The following PBX1 variants were observed in gnomAD, a reference collection of about 807,000 sequenced individuals.
PBX1 encodes the protein PBX homeobox 1.
In PBX1, 6 loss-of-function variants were observed where a neutral mutation model predicts 53.4. That is an observed-to-expected ratio of 0.11 (90% CI 0.06 to 0.22). The LOEUF is 0.22. PBX1 is among the 10% of genes least tolerant of loss of function. The pLI is 1.00. For synonymous variants in PBX1, 204 were observed against 212.3 expected (o/e 0.96, Z 0.34); for missense variants, 251 against 551.4 (o/e 0.46, Z 5.46).
chr1:164,883,306 C>T (rs1002471202), intron 2 of PBX1, among the ~76,000 whole-genome samples: 3 of 152,148 alleles, frequency 2.0e-5, no homozygotes, highest in African/African-American at 7.2e-5. Flanking sequence ...CAGCTATTGT[C>T]AACTCAATCA....
rs1426072676 is a variant in PBX1 at position 164,807,680 on chromosome 1, A to G, written c.837+3A>G. The G allele has an allele frequency of 6.2e-7, 1 of 1,613,884 alleles. No homozygotes were observed. Among genetic ancestry groups the G allele is most frequent in the Non-Finnish European group, 8.5e-7 (1 of 1,179,920 alleles). On this transcript the variant is annotated splice_donor_region_variant and intron_variant, in intron 5 of 8. Transcript: ENST00000420696. ...AGTGTGGCATCACAGTCTCCCAGGT[A>G]AGCAGCACCTCAAAAGCCTCAGCCT...
intron 2 of PBX1, among the ~76,000 whole-genome samples, chr1:164,698,984 A>G (rs756980642): frequency 6.6e-6 from 1 of 152,226 alleles, no homozygotes; most frequent in Non-Finnish European, 1.5e-5. Context: ...GCTATCAGCT[A>G]TAGCACTACA....
At position 164,851,294 on chromosome 1, in the gene PBX1, T is replaced by G. The variant is rs1258421433; in HGVS notation, c.*4618T>G. On this transcript the variant is annotated 3_prime_UTR_variant, in exon 9 of 9. Transcript: ENST00000420696. ...TTATGTTCAGAAAGTGGTCAGAACT[T>G]AAGCAAGAAAAGTAAAGAAAGAATG... 1 of 205,330 alleles carries G rather than the reference T, an allele frequency of 4.9e-6. No homozygotes were observed. The highest frequency in any genetic ancestry group is 1.0e-5 in the Non-Finnish European group (1 of 100,332). The allele number at this position is 205,330 out of a possible 1,614,324, so 12.7% of individuals were successfully genotyped here. A position where few individuals can be genotyped will look rare whatever the true frequency, so the allele number is the denominator to read the frequency against.
chr1:164,687,282 GC>G (rs1662163436), intron 2 of PBX1, among the ~76,000 whole-genome samples: 1 of 152,046 alleles, frequency 6.6e-6, no homozygotes, highest in African/African-American at 2.4e-5. Flanking sequence ...AGTATTTCAG[GC>G]CAGACACGTG....
chr1:164,805,273 C>A (rs1425454047), intron 4 of PBX1, among the ~76,000 whole-genome samples: 1 of 152,152 alleles, frequency 6.6e-6, no homozygotes, highest in Non-Finnish European at 1.5e-5. Context: ...AGCAAAGAAA[C>A]CAGGTGTCTC....
At chr1:164,857,790 T>G (rs1324938657) in intron 2 of PBX1, among the ~76,000 whole-genome samples, 2 of 152,186 alleles carry the variant, frequency 1.3e-5, no homozygotes, top group Non-Finnish European at 2.9e-5. Flanking sequence ...ATATGTTGCT[T>G]AATCTTTCTG....
chr1:164,743,029 A>G (rs146269619), intron 2 of PBX1, among the ~76,000 whole-genome samples: 1 of 152,368 alleles, frequency 6.6e-6, no homozygotes, highest in Non-Finnish European at 1.5e-5. Context: ...CCTGACAAAC[A>G]GCAATGTAAG....
intron 2 of PBX1, among the ~76,000 whole-genome samples, chr1:164,663,605 G>C (rs1234764566): frequency 6.6e-6 from 1 of 152,294 alleles, no homozygotes; most frequent in African/African-American, 2.4e-5. Context: ...TATATTTAAT[G>C]AGATGATTGC....
At chr1:164,806,493 T>G (rs997360296) in intron 4 of PBX1, among the ~76,000 whole-genome samples, 19 of 152,166 alleles carry the variant, frequency 1.2e-4, no homozygotes, top group African/African-American at 4.6e-4. Flanking sequence ...AAATGTTACA[T>G]GCATTTACAT....
At chr1:164,857,297 C>A (rs550398012) in intron 2 of PBX1, among the ~76,000 whole-genome samples, 54 of 152,174 alleles carry the variant, frequency 3.5e-4, no homozygotes, top group African/African-American at 1.3e-3. Context: ...ATAAAGGATA[C>A]AAATAAACAG....
chr1:164,804,905 G>A (rs1669269503), intron 4 of PBX1, among the ~76,000 whole-genome samples: 1 of 152,166 alleles, frequency 6.6e-6, no homozygotes, highest in Admixed American at 6.5e-5. Flanking sequence ...GCTGATTTGG[G>A]TAAAAGGTGA....
chr1:164,573,676 G>A (rs1654030129), intron 2 of PBX1, among the ~76,000 whole-genome samples: 1 of 151,836 alleles, frequency 6.6e-6, no homozygotes, highest in Non-Finnish European at 1.5e-5. Context: ...AGTAGAGATG[G>A]GGTTTCACCA....
At chr1:164,831,708 C>T (rs546578157) in intron 8 of PBX1, among the ~76,000 whole-genome samples, 3 of 152,218 alleles carry the variant, frequency 2.0e-5, no homozygotes, top group South Asian at 2.1e-4. Flanking sequence ...AATTTCCTAC[C>T]CTTTGTTTTC....
chr1:164,720,011 C>T (rs1053126228), intron 2 of PBX1, among the ~76,000 whole-genome samples: 1 of 152,224 alleles, frequency 6.6e-6, no homozygotes, highest in South Asian at 2.1e-4. Context: ...TCCAGTTTTA[C>T]CACAAATGCT....
intron 2 of PBX1, among the ~76,000 whole-genome samples, chr1:164,761,019 G>T (rs145574445): frequency 3.8e-4 from 58 of 152,220 alleles, no homozygotes; most frequent in African/African-American, 1.3e-3. Context: ...ACCTCTGTCT[G>T]CCTGCCCCCA....
At chr1:164,703,557 G>A (rs1663255499) in intron 2 of PBX1, among the ~76,000 whole-genome samples, 2 of 152,158 alleles carry the variant, frequency 1.3e-5, no homozygotes, top group Admixed American at 6.5e-5. Context: ...TCATTACCAC[G>A]AGCCTGAACT....
chr1:164,750,331 A>G (rs1025473378), intron 2 of PBX1, among the ~76,000 whole-genome samples: 2 of 152,180 alleles, frequency 1.3e-5, no homozygotes, highest in African/African-American at 4.8e-5. Flanking sequence ...AAATATACAG[A>G]TAAACTATAT....
At chr1:164,701,385 G>T (rs1026995654) in intron 2 of PBX1, among the ~76,000 whole-genome samples, 3 of 152,220 alleles carry the variant, frequency 2.0e-5, no homozygotes, top group African/African-American at 7.2e-5. Flanking sequence ...TTTCAGAAAA[G>T]AAAGTGTGAT....
At chr1:164,714,348 C>T (rs1178380979) in intron 2 of PBX1, among the ~76,000 whole-genome samples, 3 of 152,186 alleles carry the variant, frequency 2.0e-5, no homozygotes, top group African/African-American at 4.8e-5. Context: ...GCTAAGCCCC[C>T]GTTTGTCACA....
Sources: gnomAD v4.1 joint callset for allele counts (sites outside exome capture counted in the v4.1 genomes callset) on GRCh38, gnomAD v4.1.1 for gene constraint, MANE v1.5 for transcripts, NCBI Gene and HGNC (gene_info 2026-07-23, HGNC 2026-07-21) for gene names.